CSMD1: variants seen among roughly 807,000 people sequenced by gnomAD.
CSMD1 encodes CUB and Sushi multiple domains 1, also known as CUB and sushi domain-containing protein 1.
In CSMD1, 213 loss-of-function variants were observed where a neutral mutation model predicts 417.5. That is an observed-to-expected ratio of 0.51 (90% CI 0.46 to 0.57). CSMD1 has a LOEUF of 0.57. Ranked by LOEUF, CSMD1 falls within the 20% of genes least tolerant of loss-of-function variation. The pLI, the probability that CSMD1 is intolerant of heterozygous loss-of-function variation, is 0.00. For synonymous variants in CSMD1, 2,862 were observed against 1,736.8 expected (o/e 1.65, Z -16.11); for missense variants, 6,923 against 4,529.7 (o/e 1.53, Z -15.17).
In CSMD1 at chr8:3,868,552, T is replaced by C. The variant is rs186024660; in HGVS notation, c.819-114510A>G. Among the ~76,000 whole-genome samples the C allele has an allele frequency of 4.6e-5, 7 of 152,236 alleles. No individual in the cohort carries two copies. In the East Asian group the frequency reaches 9.7e-4, roughly 21 times the overall value. ...AAATGCGTACCTGCAGCCTGAACCC[T>C]GTTCTGAAATGTGGATTTGAGGGTC... On this transcript the variant is annotated intron_variant, in intron 5 of 69. Transcript: ENST00000635120.
At chr8:3,797,391 T>A (rs1800218177) in intron 5 of CSMD1, among the ~76,000 whole-genome samples, 1 of 151,982 alleles carries the variant, frequency 6.6e-6, no homozygotes, top group African/African-American at 2.4e-5. Flanking sequence ...TAAAACATTT[T>A]CATCAATATG....
intron 3 of CSMD1, among the ~76,000 whole-genome samples, chr8:4,266,395 G>C (rs1483554753): frequency 9.6e-6 from 1 of 104,672 alleles, no homozygotes; most frequent in African/African-American, 2.6e-5. Context: ...TATTAATATA[G>C]TTCATTTTAT....
intron 3 of CSMD1, among the ~76,000 whole-genome samples, chr8:4,329,209 C>G (rs117173251): frequency 1.3e-5 from 2 of 152,128 alleles, no homozygotes; most frequent in East Asian, 3.9e-4. Flanking sequence ...GTTTCCAATA[C>G]AAATTATTTG....
At chr8:3,668,547 C>T (rs992157452) in intron 7 of CSMD1, among the ~76,000 whole-genome samples, 2 of 152,078 alleles carry the variant, frequency 1.3e-5, no homozygotes, top group African/African-American at 4.8e-5. Flanking sequence ...TTCCTTACCA[C>T]AGGTAATATG....
At chr8:4,566,380 G>A (rs144988781) in intron 2 of CSMD1, among the ~76,000 whole-genome samples, 18 of 152,110 alleles carry the variant, frequency 1.2e-4, no homozygotes, top group African/African-American at 3.4e-4. Context: ...TTGGCCGGGC[G>A]TGGTGGCTCA....
At chr8:3,499,454 G>C (rs552775863) in intron 10 of CSMD1, among the ~76,000 whole-genome samples, 3 of 152,208 alleles carry the variant, frequency 2.0e-5, no homozygotes, top group South Asian at 4.2e-4. Context: ...TGGTCCTTGG[G>C]TCCCTGGGGA....
chr8:4,168,126 C>T (rs1028330631), intron 3 of CSMD1, among the ~76,000 whole-genome samples: 2 of 147,270 alleles, frequency 1.4e-5, no homozygotes, highest in Admixed American at 1.4e-4. Flanking sequence ...AAGGCTCTGT[C>T]TCAAAAATAA....
intron 1 of CSMD1, among the ~76,000 whole-genome samples, chr8:4,678,197 G>C (rs980229946): frequency 6.7e-6 from 1 of 148,306 alleles, no homozygotes; most frequent in African/African-American, 2.5e-5. Context: ...GATCACATGA[G>C]GCCGGGAGTT....
intron 5 of CSMD1, among the ~76,000 whole-genome samples, chr8:3,870,608 AAT>A: frequency 6.6e-6 from 1 of 152,282 alleles, no homozygotes; most frequent in Admixed American, 6.5e-5. Flanking sequence ...AAACTCTTCC[AAT>A]ATGTTTATGA....
chr8:3,429,646 C>T (rs1814088593), intron 12 of CSMD1, among the ~76,000 whole-genome samples: 1 of 152,192 alleles, frequency 6.6e-6, no homozygotes. Flanking sequence ...TTTATCAAAA[C>T]TCATCGAATT....
chr8:3,552,566 G>T (rs935101817), intron 10 of CSMD1, among the ~76,000 whole-genome samples: 1 of 152,106 alleles, frequency 6.6e-6, no homozygotes, highest in East Asian at 1.9e-4. Context: ...TAAGGTGGGG[G>T]GCATTGTGGT....
chr8:4,891,507 A>G (rs558364245), intron 1 of CSMD1, among the ~76,000 whole-genome samples: 1 of 152,162 alleles, frequency 6.6e-6, no homozygotes, highest in South Asian at 2.1e-4. Context: ...GAATTAGACA[A>G]TAGTGTTTTA....
chr8:3,488,792 C>G (rs961205413), intron 11 of CSMD1, among the ~76,000 whole-genome samples: 1 of 152,146 alleles, frequency 6.6e-6, no homozygotes, highest in Non-Finnish European at 1.5e-5. Context: ...TATACTGTCA[C>G]TGGCATTCAG....
At chr8:4,501,884 G>C (rs1008863935) in intron 2 of CSMD1, among the ~76,000 whole-genome samples, 1 of 152,104 alleles carries the variant, frequency 6.6e-6, no homozygotes, top group African/African-American at 2.4e-5. Context: ...GCAGGCTTTG[G>C]TGCTGTCAAA....
At chr8:4,991,407 CT>C (rs1811455359) in intron 1 of CSMD1, among the ~76,000 whole-genome samples, 2 of 152,238 alleles carry the variant, frequency 1.3e-5, no homozygotes, top group African/African-American at 4.8e-5. Context: ...GAAGCTGATA[CT>C]CAAGTACCCA....
chr8:3,309,861 G>A (rs552203814), intron 23 of CSMD1, among the ~76,000 whole-genome samples: 10 of 152,150 alleles, frequency 6.6e-5, no homozygotes, highest in Non-Finnish European at 1.5e-4. Context: ...GAGATTTGCA[G>A]CTTTGTATAG....
At chr8:4,678,190 C>T (rs969993671) in intron 1 of CSMD1, among the ~76,000 whole-genome samples, 10 of 151,744 alleles carry the variant, frequency 6.6e-5, no homozygotes, top group African/African-American at 2.2e-4. Context: ...GCGTGTAGAT[C>T]ACATGAGGCC....
intron 2 of CSMD1, among the ~76,000 whole-genome samples, chr8:4,491,114 G>T (rs1438297180): frequency 2.6e-5 from 4 of 152,004 alleles, no homozygotes; most frequent in African/African-American, 9.7e-5. Context: ...CTTAATATGC[G>T]GGCAATGAAA....
chr8:3,544,427 G>C (rs1002079405), intron 10 of CSMD1, among the ~76,000 whole-genome samples: 11 of 152,170 alleles, frequency 7.2e-5, no homozygotes, highest in African/African-American at 2.4e-4. Context: ...TGGGATGGAG[G>C]CGTTCTTTCT....
Sources: allele counts gnomAD v4.1 joint callset (sites outside exome capture counted in the v4.1 genomes callset), GRCh38; gene constraint gnomAD v4.1.1; transcripts MANE v1.5; gene names NCBI Gene and HGNC (gene_info 2026-07-23, HGNC 2026-07-21).